Variants in BRF1 observed in about 807,000 individuals in gnomAD.
BRF1 encodes the protein transcription factor IIIB 90 kDa subunit.
Under a neutral mutation model 81.7 loss-of-function variants are expected in BRF1, and 59 were observed. The ratio of observed to expected loss-of-function variants is 0.72; its 90% CI spans 0.59 to 0.90. The LOEUF is 0.90. Among genes scored for constraint, BRF1 ranks in the 40% least tolerant of loss-of-function variants. The pLI, the probability that BRF1 is intolerant of heterozygous loss-of-function variation, is 0.00. For synonymous variants in BRF1, 491 were observed against 395.6 expected (o/e 1.24, Z -2.86); for missense variants, 1,050 against 936.3 (o/e 1.12, Z -1.58).
In BRF1 at chr14:105,210,339, C is replaced by A; in HGVS notation, c.*212G>T. ...CACACCCGGCCCACATCTGATCACACACATGCAGACGCTTGGTCCGGTTTC... is the reference window on the plus strand; with the variant it reads ...CACACCCGGCCCACATCTGATCACAAACATGCAGACGCTTGGTCCGGTTTC... On this transcript the variant is annotated 3_prime_UTR_variant, in exon 18 of 18. Transcript: ENST00000547530. This position sits in a 1 kb window ranked among gnomAD's most constrained non-coding sequence, Gnocchi z 4.7. 1 of 596,658 alleles carries A rather than the reference C, an allele frequency of 1.7e-6. No individual in the cohort carries two copies. Among genetic ancestry groups the A allele is most frequent in the Non-Finnish European group, 3.0e-6 (1 of 337,074 alleles). The allele number at this position is 596,658 out of a possible 1,614,324, so 37.0% of individuals were successfully genotyped here. A position where few individuals can be genotyped will look rare whatever the true frequency, so the allele number is the denominator to read the frequency against.
chr14:105,309,828 C>T lies in BRF1; in HGVS notation c.-162+5494G>A, dbSNP rs1030748082. Among the ~76,000 whole-genome samples the T allele has an allele frequency of 4.1e-5, 6 of 144,992 alleles. No individual in the cohort carries two copies. The highest frequency in any genetic ancestry group is 7.4e-5 in the Non-Finnish European group (5 of 67,312). On this transcript the variant is annotated intron_variant, in intron 1 of 17. Transcript: ENST00000327359. The surrounding 1 kb of genome is among the most constrained non-coding windows in gnomAD (Gnocchi z 4.0). ...TTAGACGGAGTCTCACTCTCTTGCCCAGGCAGGAGTGCAGTGGCACAATCT... is the reference window on the plus strand; with the variant it reads ...TTAGACGGAGTCTCACTCTCTTGCCTAGGCAGGAGTGCAGTGGCACAATCT...
intron 1 of BRF1, among the ~76,000 whole-genome samples, chr14:105,289,782 C>T (rs587773237): frequency 3.9e-5 from 6 of 152,266 alleles, no homozygotes; most frequent in East Asian, 3.9e-4. Context: ...ACTACAGGTG[C>T]GTGCCACCAC....
At chr14:105,295,255 T>C (rs10151638) in intron 1 of BRF1, among the ~76,000 whole-genome samples, 51,229 of 139,450 alleles carry the variant, frequency 0.37, 9,644 homozygotes, top group African/African-American at 0.52. Context: ...TGCCTTGAGG[T>C]CAGAAGTTCG....
intron 1 of BRF1, among the ~76,000 whole-genome samples, chr14:105,314,088 G>C (rs1397775153): frequency 6.6e-6 from 1 of 152,250 alleles, no homozygotes; most frequent in African/African-American, 2.4e-5. Flanking sequence ...AAGCTCGGCA[G>C]CCTGGCGCCC....
upstream of BRF1, among the ~76,000 whole-genome samples, chr14:105,305,895 C>A (rs2058172764): frequency 6.6e-6 from 1 of 152,256 alleles, no homozygotes; most frequent in African/African-American, 2.4e-5. Context: ...CAAGGCAGGA[C>A]CCTCACTCGC....
chr14:105,222,086 C>T (rs758515786), intron 10 of BRF1, 172 bp from the exon 11 acceptor site: 30 of 715,110 alleles, frequency 4.2e-5, no homozygotes, highest in Non-Finnish European at 5.8e-5. Flanking sequence ...GCACTGCACG[C>T]GGAAGTTAGC....
In BRF1 at chr14:105,248,126, C is replaced by T. The variant is rs1457872671; in HGVS notation, c.544+4381G>A. On this transcript the variant is annotated intron_variant, in intron 5 of 17. Transcript: ENST00000547530. ...AATGCCGGGAAATAGCAGCGCCTGC[C>T]CCTGTAAAGCCCTCAGAGCAGAGTG... 5 of 985,368 alleles carry T rather than the reference C, an allele frequency of 5.1e-6. No individual in the cohort carries two copies. The African/African-American group carries it at 5.2e-5, about 10-fold the overall frequency. The allele number at this position is 985,368 out of a possible 1,614,324, so 61.0% of individuals were successfully genotyped here. A position where few individuals can be genotyped will look rare whatever the true frequency, so the allele number is the denominator to read the frequency against.
At chr14:105,216,970 C>G (rs1031776550) in intron 15 of BRF1, among the ~76,000 whole-genome samples, 3 of 152,208 alleles carry the variant, frequency 2.0e-5, no homozygotes, top group African/African-American at 7.2e-5. Flanking sequence ...GTCAGGAGAG[C>G]CTGCAGCCGC....
intron 1 of BRF1, among the ~76,000 whole-genome samples, chr14:105,296,841 G>C (rs2057767603): frequency 6.6e-6 from 1 of 151,956 alleles, no homozygotes. Flanking sequence ...ACTCCTAATA[G>C]AGCTTAGGTA....
chr14:105,257,572 G>A (rs1463149172), intron 3 of BRF1, among the ~76,000 whole-genome samples: 1 of 152,160 alleles, frequency 6.6e-6, no homozygotes, highest in South Asian at 2.1e-4. Context: ...GGTGAGGCCC[G>A]TGAACAAAGG....
At position 105,212,384 on chromosome 14, in the gene BRF1, C is replaced by A; in HGVS notation, c.1773-220G>T. 1 of 570,656 alleles carries A rather than the reference C, an allele frequency of 1.8e-6. No homozygotes were observed. The highest frequency in any genetic ancestry group is 3.1e-6 in the Non-Finnish European group (1 of 326,496). The allele number at this position is 570,656 out of a possible 1,614,324, so 35.3% of individuals were successfully genotyped here. ...CACATTCTCAACAGCGAGCAGCACT[C>A]GACACAAACACAGAAGCTGCAGACG... On this transcript the variant is annotated intron_variant, in intron 15 of 17. Coordinates refer to ENST00000547530, the MANE Select transcript of BRF1 (RefSeq NM_001519.4).
At chr14:105,249,109 C>G in intron 5 of BRF1, 4 of 1,500,654 alleles carry the variant, frequency 2.7e-6, no homozygotes, top group South Asian at 1.2e-5. Context: ...CCGCGGCCCC[C>G]GCGCCCGCGC....
intron 1 of BRF1, among the ~76,000 whole-genome samples, chr14:105,289,521 G>A (rs2057438110): frequency 6.6e-6 from 1 of 152,240 alleles, no homozygotes; most frequent in Admixed American, 6.5e-5. Flanking sequence ...GCTTTGAGCA[G>A]CACTGATGAG....
upstream of BRF1, among the ~76,000 whole-genome samples, chr14:105,305,315 T>C (rs2058155107): frequency 6.6e-6 from 1 of 152,096 alleles, no homozygotes; most frequent in South Asian, 2.1e-4. Flanking sequence ...GGTAGGAGGA[T>C]TGCTTGAGCC....
intron 1 of BRF1, among the ~76,000 whole-genome samples, chr14:105,313,335 C>T (rs2058403779): frequency 6.6e-6 from 1 of 152,236 alleles, no homozygotes; most frequent in Non-Finnish European, 1.5e-5. Flanking sequence ...TGGACATAGT[C>T]ACTTCTCCCC....
Position 105,210,689 on chromosome 14 carries a change from G to T in BRF1, c.1997-101C>A. On this transcript the variant is annotated intron_variant, in intron 17 of 17. Transcript: ENST00000547530. The surrounding 1 kb of genome is among the most constrained non-coding windows in gnomAD (Gnocchi z 4.7). ...CCTGGTGCCCCCCTAGAAGACTCAG[G>T]CTCCAGCCCCAGCCCCAGCCCCCCG... The T allele has an allele frequency of 7.3e-7, 1 of 1,374,442 alleles. No individual in the cohort carries two copies. Among genetic ancestry groups the T allele is most frequent in the Non-Finnish European group, 1.0e-6 (1 of 1,002,352 alleles). 85.1% of individuals were successfully genotyped at this position (1,374,442 alleles called of 1,614,324 possible). A position where few individuals can be genotyped will look rare whatever the true frequency, so the allele number is the denominator to read the frequency against.
intron 15 of BRF1, among the ~76,000 whole-genome samples, chr14:105,216,660 A>G (rs1405077542): frequency 6.6e-6 from 1 of 152,216 alleles, no homozygotes; most frequent in Non-Finnish European, 1.5e-5. Context: ...TAGCAGCTCA[A>G]AAGGCCAAGG....
chr14:105,228,789 G>A, intron 7 of BRF1, 31 bp downstream of exon 7: 1 of 1,611,028 alleles, frequency 6.2e-7, no homozygotes, highest in South Asian at 1.1e-5. Context: ...GCCTCTGTGT[G>A]GTCCCCATGC....
At chr14:105,214,351 C>T (rs942290540) in intron 15 of BRF1, among the ~76,000 whole-genome samples, 11 of 152,238 alleles carry the variant, frequency 7.2e-5, no homozygotes, top group African/African-American at 1.2e-4. Flanking sequence ...CAAAGCAGCC[C>T]GAGTGACCAC....
Sources: allele counts gnomAD v4.1 joint callset (sites outside exome capture counted in the v4.1 genomes callset), GRCh38; gene constraint gnomAD v4.1.1; non-coding constraint Gnocchi (gnomAD v3.1); transcripts MANE v1.5; gene names NCBI Gene and HGNC (gene_info 2026-07-23, HGNC 2026-07-21).